The following LRFN5 variants were observed in gnomAD, a reference collection of about 807,000 sequenced individuals.
LRFN5 encodes the protein leucine rich repeat and fibronectin type III domain containing 5, also known as leucine-rich repeat and fibronectin type-III domain-containing protein 5.
Under a neutral mutation model 45.6 loss-of-function variants are expected in LRFN5, and 24 were observed. The ratio of observed to expected loss-of-function variants is 0.53; its 90% CI spans 0.38 to 0.74. The LOEUF (loss-of-function observed/expected upper bound fraction) is 0.74. Ranked by LOEUF, LRFN5 falls within the 30% of genes least tolerant of loss-of-function variation. LRFN5 has a pLI of 0.00. For missense variants in LRFN5, 776 were observed against 861.5 expected (o/e 0.90, Z 1.24); for synonymous variants, 340 against 313.8 (o/e 1.08, Z -0.88).
intron 1 of LRFN5, among the ~76,000 whole-genome samples, chr14:41,675,686 A>C (rs1881599952): frequency 6.6e-6 from 1 of 152,132 alleles, no homozygotes; most frequent in Non-Finnish European, 1.5e-5. Context: ...GGCCTAAATG[A>C]ATAAGCCTTT....
At chr14:41,722,235 A>G (rs1020918607) in intron 1 of LRFN5, among the ~76,000 whole-genome samples, 1 of 151,938 alleles carries the variant, frequency 6.6e-6, no homozygotes, top group Admixed American at 6.6e-5. Flanking sequence ...ATCTTTTTAA[A>G]ATGTTTATGT....
intron 1 of LRFN5, among the ~76,000 whole-genome samples, chr14:41,676,659 A>G (rs1182628987): frequency 6.6e-6 from 1 of 152,212 alleles, no homozygotes; most frequent in Non-Finnish European, 1.5e-5. Context: ...GAGCAATTAG[A>G]GAAAGATGTG....
At chr14:41,783,758 A>G (rs1886619762) in intron 2 of LRFN5, among the ~76,000 whole-genome samples, 1 of 152,138 alleles carries the variant, frequency 6.6e-6, no homozygotes, top group African/African-American at 2.4e-5. Flanking sequence ...TATTTTTTAC[A>G]TAAGTCCTTT....
intron 1 of LRFN5, among the ~76,000 whole-genome samples, chr14:41,690,361 C>T (rs932816129): frequency 5.9e-4 from 90 of 152,258 alleles, no homozygotes; most frequent in African/African-American, 1.9e-3. Flanking sequence ...CAAGATCAGC[C>T]TGGCTAACAT....
At position 41,807,658 on chromosome 14, in the gene LRFN5, A is replaced by G. The variant is rs954834043; in HGVS notation, c.-21+40629A>G. Reference sequence around the variant, plus strand: ...ACCACCCTGTCTGCTGGGAGGGACAATGAGAATATTTTTGGTGTATTTTTA... The same window carrying G: ...ACCACCCTGTCTGCTGGGAGGGACAGTGAGAATATTTTTGGTGTATTTTTA... On this transcript the variant is annotated intron_variant, in intron 2 of 5. Coordinates refer to ENST00000298119, the MANE Select transcript of LRFN5 (RefSeq NM_152447.5). Among the ~76,000 whole-genome samples, 12 of 152,098 alleles carry G rather than the reference A, an allele frequency of 7.9e-5. No individual in the cohort carries two copies. The South Asian group carries it at 1.0e-3, about 13-fold the overall frequency.
chr14:41,636,394 T>C (rs1357835437), intron 1 of LRFN5, among the ~76,000 whole-genome samples: 2 of 152,120 alleles, frequency 1.3e-5, no homozygotes, highest in Non-Finnish European at 2.9e-5. Flanking sequence ...TAATGAACTT[T>C]CTTTTAATCT....
At chr14:41,895,960 TTA>T (rs1890926150) in intron 4 of LRFN5, among the ~76,000 whole-genome samples, 1 of 152,110 alleles carries the variant, frequency 6.6e-6, no homozygotes, top group African/African-American at 2.4e-5. Flanking sequence ...TCTTTTTCTT[TTA>T]GTTTTGTAAT....
At chr14:41,762,431 A>G (rs540715270) in intron 1 of LRFN5, among the ~76,000 whole-genome samples, 3 of 152,262 alleles carry the variant, frequency 2.0e-5, no homozygotes, top group Admixed American at 6.5e-5. Context: ...AAGTTTTCCT[A>G]TAGCCAAGGA....
chr14:41,904,262 G>C lies in LRFN5; in HGVS notation c.*87G>C. ...ATTCAAAAATGTTTCAATTCACAAA[G>C]GCTAATTGTTGAACTGGTGTCGTAG... On this transcript the variant is annotated 3_prime_UTR_variant, in exon 6 of 6. Coordinates refer to ENST00000298119, the MANE Select transcript of LRFN5 (RefSeq NM_152447.5). The C allele has an allele frequency of 6.8e-7, 1 of 1,477,652 alleles. No homozygotes were observed. The highest frequency in any genetic ancestry group is 1.1e-5 in the South Asian group (1 of 87,630). 91.5% of individuals were successfully genotyped at this position (1,477,652 alleles called of 1,614,324 possible). A position where few individuals can be genotyped will look rare whatever the true frequency, so the allele number is the denominator to read the frequency against.
At chr14:41,762,759 A>G (rs1885723141) in intron 1 of LRFN5, among the ~76,000 whole-genome samples, 1 of 152,140 alleles carries the variant, frequency 6.6e-6, no homozygotes, top group Non-Finnish European at 1.5e-5. Context: ...TTACATAAGT[A>G]TAAATAAGTA....
intron 5 of LRFN5, among the ~76,000 whole-genome samples, chr14:41,902,601 G>A (rs1467686882): frequency 1.3e-5 from 2 of 151,680 alleles, no homozygotes; most frequent in Non-Finnish European, 3.0e-5. Flanking sequence ...TAGTTAATGT[G>A]AAACTCTAGT....
At chr14:41,781,285 G>A (rs1886472208) in intron 2 of LRFN5, among the ~76,000 whole-genome samples, 1 of 151,988 alleles carries the variant, frequency 6.6e-6, no homozygotes, top group South Asian at 2.1e-4. Flanking sequence ...AGTTTGGGAG[G>A]CTGAAGCAGT....
At chr14:41,866,986 T>C (rs1185682935) in intron 2 of LRFN5, among the ~76,000 whole-genome samples, 3 of 152,120 alleles carry the variant, frequency 2.0e-5, no homozygotes, top group Non-Finnish European at 4.4e-5. Context: ...TCAATGTAAT[T>C]TATCTTACAT....
At chr14:41,773,793 C>A (rs926021302) in intron 2 of LRFN5, among the ~76,000 whole-genome samples, 12 of 152,322 alleles carry the variant, frequency 7.9e-5, no homozygotes, top group African/African-American at 2.9e-4. Flanking sequence ...TACCAATTTT[C>A]TGGCTTTCAG....
intron 1 of LRFN5, among the ~76,000 whole-genome samples, chr14:41,675,675 G>T (rs1035066475): frequency 2.6e-5 from 4 of 152,034 alleles, no homozygotes; most frequent in Non-Finnish European, 5.9e-5. Context: ...TTGCATATGA[G>T]GGCCTAAATG....
At chr14:41,869,773 T>C (rs1889957387) in intron 2 of LRFN5, among the ~76,000 whole-genome samples, 1 of 152,040 alleles carries the variant, frequency 6.6e-6, no homozygotes, top group African/African-American at 2.4e-5. Flanking sequence ...TTGTGAGACG[T>C]GTTCACTATC....
At chr14:41,799,207 C>T (rs905854653) in intron 2 of LRFN5, among the ~76,000 whole-genome samples, 7 of 151,972 alleles carry the variant, frequency 4.6e-5, no homozygotes, top group Non-Finnish European at 7.4e-5. Context: ...GATCACTAAA[C>T]GTCAGAATAT....
At chr14:41,643,988 A>G (rs1879700023) in intron 1 of LRFN5, among the ~76,000 whole-genome samples, 1 of 152,212 alleles carries the variant, frequency 6.6e-6, no homozygotes, top group Non-Finnish European at 1.5e-5. Context: ...TTAGTAGGTT[A>G]CCCTTTATAA....
At chr14:41,870,656 G>A (rs1040561541) in intron 2 of LRFN5, among the ~76,000 whole-genome samples, 1 of 152,170 alleles carries the variant, frequency 6.6e-6, no homozygotes, top group Non-Finnish European at 1.5e-5. Flanking sequence ...ATTTGAGTGG[G>A]TGCACAGAGC....
Sources: allele counts gnomAD v4.1 joint callset (sites outside exome capture counted in the v4.1 genomes callset), GRCh38; gene constraint gnomAD v4.1.1; transcripts MANE v1.5; gene names NCBI Gene and HGNC (gene_info 2026-07-23, HGNC 2026-07-21).